The following DST variants were observed in gnomAD, a reference collection of about 807,000 sequenced individuals.
DST encodes the protein bullous pemphigoid antigen.
In DST, 253 loss-of-function variants were observed where a neutral mutation model predicts 875.2. The ratio of observed to expected loss-of-function variants is 0.29; its 90% CI spans 0.26 to 0.32. The LOEUF (loss-of-function observed/expected upper bound fraction) is 0.32, where lower values mean the gene tolerates loss of function less well. Among genes scored for constraint, DST ranks in the 10% least tolerant of loss-of-function variants. The pLI is 1.00. For synonymous variants in DST, 3,124 were observed against 3,197.1 expected, an observed-to-expected ratio of 0.98 and a Z score of 0.77; for missense variants, 8,287 against 9,111.6, an observed-to-expected ratio of 0.91 and a Z score of 3.68.
At chr6:56,851,731 C>G in intron 3 of DST, 127 bp from the exon 4 acceptor site, 9 of 1,552,194 alleles carry the variant, frequency 5.8e-6, no homozygotes, top group Non-Finnish European at 7.8e-6. Flanking sequence ...ATATCCTGCA[C>G]CATCCTCGGA....
chr6:56,900,739 A>G (rs1395388173), intron 2 of DST, 118 bp from the exon 3 acceptor site: 4 of 674,418 alleles, frequency 5.9e-6, no homozygotes. Context: ...GATCACGTGC[A>G]CTCCCAAAGT....
chr6:56,634,692 T>G, intron 25 of DST, 76 bp from the exon 26 acceptor site: 1 of 1,608,390 alleles, frequency 6.2e-7, no homozygotes, highest in Non-Finnish European at 8.5e-7. Flanking sequence ...CTGGGATTTT[T>G]TTTGTTTTAT....
rs187217231 is a variant in DST, at chr6:56,471,443, C to T, written c.22159-175G>A. Among the ~76,000 whole-genome samples, 4 of 152,222 alleles carry T rather than the reference C, an allele frequency of 2.6e-5. No homozygotes were observed. The East Asian group carries it at 7.7e-4, about 29-fold the overall frequency. ...AACATTTTGCCTTTAAAATGTATTC[C>T]ATTGCTGTCACTGATTTTTCTTTAC... On this transcript the variant is annotated intron_variant, in intron 94 of 103. Coordinates refer to ENST00000680361, the MANE Select transcript of DST (RefSeq NM_001374736.1).
In DST at chr6:56,607,887, T is replaced by C; in HGVS notation, c.6741A>G (p.Ile2247Met). 6.2e-7 allele frequency: 1 copy of C among 1,613,756 alleles called. No homozygotes were observed. Among genetic ancestry groups the C allele is most frequent in the Non-Finnish European group, 8.5e-7 (1 of 1,179,758 alleles). The stretch of plus-strand genomic sequence containing the variant: ...AGCTTAAGACATCGAGACATTCTTT[T>C]ATGGCTGTGTTTCCATCAAATTCTG... Reference protein sequence around the residue: ...CHAEFDGNTAIKECLDVLSSS... With the variant: ...CHAEFDGNTAMKECLDVLSSS... The change falls in exon 40 of 104, where the codon ATA (isoleucine) becomes ATG (methionine). Residue 2247 changes from isoleucine (I) to methionine (M), a missense_variant. This residue lies in a region of DST where 3,138 missense variants were observed against 3,116.6 expected (regional missense o/e 1.01). Transcript: ENST00000680361.
At chr6:56,754,816 G>C (rs1254766962) in intron 4 of DST, among the ~76,000 whole-genome samples, 1 of 151,970 alleles carries the variant, frequency 6.6e-6, no homozygotes, top group Non-Finnish European at 1.5e-5. Context: ...ACTAGATATG[G>C]ATAAAGTATT....
At chr6:56,812,849 A>G (rs2099762057) in intron 4 of DST, among the ~76,000 whole-genome samples, 1 of 152,168 alleles carries the variant, frequency 6.6e-6, no homozygotes, top group Non-Finnish European at 1.5e-5. Context: ...ATCTAGAACT[A>G]GAAATACCAT....
At chr6:56,527,407 A>G (rs1330961589) in intron 68 of DST, 86 bp downstream of exon 68, 3 of 1,473,890 alleles carry the variant, frequency 2.0e-6, no homozygotes, top group Non-Finnish European at 2.7e-6. Flanking sequence ...ATGTAATGAC[A>G]TAAGACAAAT....
Position 56,552,446 on chromosome 6 carries a change from A to G in DST, c.16346T>C (p.Met5449Thr). The part of the protein sequence containing the change: ...NDNANKTCKM[M>T]LATEETSPDL... ...AGGAGAGGTTTCTTCTGTGGCTAAC[A>G]TCATCTTGCAGGTTTTATTGGCATT... The change falls in exon 61 of 104, where the codon ATG (methionine) becomes ACG (threonine). Residue 5449 changes from methionine to threonine, a missense_variant. Transcript: ENST00000680361. 1.9e-6 allele frequency: 3 copies of G among 1,614,016 alleles called. No individual in the cohort carries two copies. The highest frequency in any genetic ancestry group is 2.2e-5 in the East Asian group (1 of 44,876).
chr6:56,525,633 A>C (rs545947501), intron 69 of DST, among the ~76,000 whole-genome samples: 4 of 152,206 alleles, frequency 2.6e-5, no homozygotes, highest in Non-Finnish European at 2.9e-5. Context: ...GTGCAATATC[A>C]TACTACCCCC....
chr6:56,894,931 G>A (rs1251576189), intron 3 of DST, among the ~76,000 whole-genome samples: 1 of 75,152 alleles, frequency 1.3e-5, no homozygotes, highest in Non-Finnish European at 2.5e-5. Flanking sequence ...AGGGGCGGCC[G>A]GGCAGAGGCG....
intron 45 of DST, among the ~76,000 whole-genome samples, chr6:56,598,975 T>C (rs1414922040): frequency 6.6e-6 from 1 of 152,160 alleles, no homozygotes; most frequent in Non-Finnish European, 1.5e-5. Context: ...GTATTCAGTA[T>C]ATGATCTATA....
Position 56,559,072 on chromosome 6 carries a change from A to G in DST, c.14440+1222T>C, listed in dbSNP as rs4715632. On this transcript the variant is annotated intron_variant, in intron 58 of 103. Transcript: ENST00000680361. ...TGACTTGAGAGAGTTTTCATTTAGCATAACACACTAAAGGGATGACTTTAA... is the reference window on the plus strand; with the variant it reads ...TGACTTGAGAGAGTTTTCATTTAGCGTAACACACTAAAGGGATGACTTTAA... Among the ~76,000 whole-genome samples the G allele has an allele frequency of 0.016, 2,464 of 152,262 alleles. 148 individuals carry two copies. In the East Asian group the frequency reaches 0.17, roughly 11 times the overall value.
rs796941058 is a variant in DST, at chr6:56,506,872, G to A, written c.19240-83C>T. 29 of 1,339,116 alleles carry A rather than the reference G, an allele frequency of 2.2e-5. No homozygotes were observed. The African/African-American group carries it at 4.0e-4, about 18-fold the overall frequency. 83.0% of individuals were successfully genotyped at this position (1,339,116 alleles called of 1,614,324 possible). ...AAAGTACACAACAATATCAATGGTA[G>A]TTATTTCTAGAAGGTGGCATTCTAA... On this transcript the variant is annotated intron_variant, in intron 75 of 103. Transcript: ENST00000680361.
chr6:56,607,339 T>G lies in DST; in HGVS notation c.7289A>C (p.Asp2430Ala). Reference sequence around the variant, plus strand: ...CAAGGCACTTAGCCTGGGGGAATAGTCAAAGATAGGTGAATCCCTGTTTGT... The same window carrying G: ...CAAGGCACTTAGCCTGGGGGAATAGGCAAAGATAGGTGAATCCCTGTTTGT... ...DNTNRDSPIF[D>A]YSPRLSALLS... Residue 2430 changes from aspartate (D) to alanine (A), a missense_variant, in exon 40 of 104, where the codon GAC (aspartate) becomes GCC (alanine). Physicochemically the swap from Asp to Ala is moderately radical, Grantham distance 126. Coordinates refer to ENST00000680361, the MANE Select transcript of DST (RefSeq NM_001374736.1). The G allele has an allele frequency of 6.2e-7, 1 of 1,613,380 alleles. No homozygotes were observed. Among genetic ancestry groups the G allele is most frequent in the Non-Finnish European group, 8.5e-7 (1 of 1,179,662 alleles).
At chr6:56,830,227 T>C (rs921497242) in intron 4 of DST, among the ~76,000 whole-genome samples, 1 of 152,140 alleles carries the variant, frequency 6.6e-6, no homozygotes, top group South Asian at 2.1e-4. Context: ...ACATTGTGCA[T>C]TGTCATGAAA....
chr6:56,719,141 T>A (rs183267190), intron 5 of DST, among the ~76,000 whole-genome samples: 39 of 152,300 alleles, frequency 2.6e-4, no homozygotes, highest in African/African-American at 9.4e-4. Flanking sequence ...ATGAAAAATA[T>A]CTGTATCTGT....
chr6:56,917,228 CT>C (rs1409010088), intron 2 of DST, among the ~76,000 whole-genome samples: 1 of 152,188 alleles, frequency 6.6e-6, no homozygotes, highest in African/African-American at 2.4e-5. Flanking sequence ...TCTCAAAAAT[CT>C]GCTTACTCTG....
At position 56,573,062 on chromosome 6, in the gene DST, C is replaced by A. The variant is rs770123943; in HGVS notation, c.13239G>T (p.Met4413Ile). Residue 4413 changes from methionine (M) to isoleucine (I), a missense_variant and splice_region_variant, in exon 52 of 104, where the codon ATG becomes ATT. Met to Ile is a conservative substitution (Grantham distance 10). This residue lies in a region of DST where 1,513 missense variants were observed against 1,677.8 expected (regional missense o/e 0.90). Coordinates refer to ENST00000680361, the MANE Select transcript of DST (RefSeq NM_001374736.1). ...GACGACCTGCAATATCCTGTTCCAACATCTAAAATAAACCAAATATTGCAT... is the reference window on the plus strand; with the variant it reads ...GACGACCTGCAATATCCTGTTCCAAAATCTAAAATAAACCAAATATTGCAT... ...ALQDIISKNI[M>I]LEQDIAGRQS... 1.5e-5 allele frequency: 23 copies of A among 1,539,026 alleles called. No homozygotes were observed. The highest frequency in any genetic ancestry group is 1.9e-5 in the Non-Finnish European group (22 of 1,146,274).
chr6:56,645,691 T>C (rs1355585684), intron 15 of DST, among the ~76,000 whole-genome samples, 175 bp downstream of exon 15: 1 of 152,208 alleles, frequency 6.6e-6, no homozygotes, highest in African/African-American at 2.4e-5. Context: ...ATTACTTCAC[T>C]GATTGCCTCC....
Sources: gnomAD v4.1 joint callset for allele counts (sites outside exome capture counted in the v4.1 genomes callset) on GRCh38, gnomAD v4.1.1 for gene constraint, gnomAD v4.1.1 regional missense constraint, MANE v1.5 for transcripts, NCBI Gene and HGNC (gene_info 2026-07-23, HGNC 2026-07-21) for gene names.